Variants in KANK1 observed in about 807,000 individuals in gnomAD.
The protein encoded by KANK1 is KN motif and ankyrin repeat domains 1, also known as KN motif and ankyrin repeat domain-containing protein 1.
Under a neutral mutation model 106.2 loss-of-function variants are expected in KANK1, and 109 were observed. The ratio of observed to expected loss-of-function variants is 1.03; its 90% CI spans 0.88 to 1.20. KANK1 has a LOEUF of 1.20. Among genes scored for constraint, KANK1 ranks in the 50% most tolerant of loss-of-function variants. The pLI is 0.00. For missense variants in KANK1, 2,399 were observed against 1,710.7 expected, an observed-to-expected ratio of 1.40 and a Z score of -7.10; for synonymous variants, 873 against 652.2, an observed-to-expected ratio of 1.34 and a Z score of -5.16.
intron 1 of KANK1, among the ~76,000 whole-genome samples, chr9:565,950 T>G (rs2262924): frequency 0.89 from 135,998 of 152,202 alleles, 61,111 homozygotes; most frequent in African/African-American, 0.92. Context: ...TTGTACAGAT[T>G]GTTTCATCAC....
chr9:743,606 T>G (rs910504120), intron 10 of KANK1, among the ~76,000 whole-genome samples: 1 of 152,156 alleles, frequency 6.6e-6, no homozygotes, highest in African/African-American at 2.4e-5. Context: ...GGGTCACTCC[T>G]GTAATTCCAG....
intron 1 of KANK1, among the ~76,000 whole-genome samples, chr9:664,609 C>G (rs1381047285): frequency 6.6e-6 from 1 of 152,154 alleles, no homozygotes; most frequent in African/African-American, 2.4e-5. Context: ...CATATTTTGT[C>G]TATTATGGAT....
At chr9:742,581 G>A (rs1282352981) in intron 10 of KANK1, among the ~76,000 whole-genome samples, 176 bp downstream of exon 10, 1 of 152,196 alleles carries the variant, frequency 6.6e-6, no homozygotes. Context: ...CTGTGTGTGT[G>A]CAAACTAACA....
chr9:643,449 G>T (rs1225428142), intron 1 of KANK1, among the ~76,000 whole-genome samples: 1 of 149,630 alleles, frequency 6.7e-6, no homozygotes, highest in African/African-American at 2.5e-5. Context: ...CCAAAATTTT[G>T]GTCCAAGCTC....
At chr9:483,760 G>C (rs934908883) in intron 3 of KANK1, among the ~76,000 whole-genome samples, 4 of 152,136 alleles carry the variant, frequency 2.6e-5, no homozygotes, top group African/African-American at 9.7e-5. Flanking sequence ...TGACACCTCA[G>C]GGTAGAGGAG....
At chr9:483,619 T>C (rs2058244378) in intron 3 of KANK1, among the ~76,000 whole-genome samples, 1 of 152,108 alleles carries the variant, frequency 6.6e-6, no homozygotes, top group African/African-American at 2.4e-5. Context: ...AATGCAAAAA[T>C]GGTAAGGTTC....
chr9:678,408 A>C (rs150366906), intron 2 of KANK1, among the ~76,000 whole-genome samples: 2 of 152,146 alleles, frequency 1.3e-5, no homozygotes, highest in Non-Finnish European at 1.5e-5. Flanking sequence ...GTCACAGAGA[A>C]GTTCAGGGAC....
intron 3 of KANK1, among the ~76,000 whole-genome samples, chr9:718,394 C>T (rs1234748327): frequency 6.8e-6 from 1 of 147,136 alleles, no homozygotes; most frequent in African/African-American, 2.5e-5. Flanking sequence ...CTTGCTGTAG[C>T]CTGAACTTCC....
In KANK1 at chr9:646,583, T is replaced by C. The variant is rs114093665; in HGVS notation, c.-83-30307T>C. 1.2e-3 allele frequency among the ~76,000 whole-genome samples: 183 copies of C among 149,896 alleles called. 14 individuals are homozygous for C. Among genetic ancestry groups the C allele is most frequent in the African/African-American group, 4.4e-3 (172 of 39,316 alleles). On this transcript the variant is annotated intron_variant, in intron 1 of 11. Coordinates refer to ENST00000382297, the MANE Select transcript of KANK1 (RefSeq NM_015158.5). ...TGAACATGATTAATCATCTCTCAGTTAGGTTCATTATTTTCAATCATATTA... is the reference window on the plus strand; with the variant it reads ...TGAACATGATTAATCATCTCTCAGTCAGGTTCATTATTTTCAATCATATTA...
chr9:552,438 T>C (rs2061340715), intron 1 of KANK1, among the ~76,000 whole-genome samples: 1 of 152,194 alleles, frequency 6.6e-6, no homozygotes, highest in African/African-American at 2.4e-5. Context: ...CAATATTTGA[T>C]AATGGTGTTC....
chr9:525,036 G>C (rs1234799692), intron 1 of KANK1, among the ~76,000 whole-genome samples: 1 of 137,778 alleles, frequency 7.3e-6, no homozygotes, highest in East Asian at 2.1e-4. Flanking sequence ...ACCCAGGCTG[G>C]AGAGCACTGG....
chr9:684,383 A>G, intron 2 of KANK1: 1 of 985,368 alleles, frequency 1.0e-6, no homozygotes, highest in Non-Finnish European at 1.2e-6. Flanking sequence ...TACCAACTTT[A>G]TAGGTGCCAA....
intron 1 of KANK1, among the ~76,000 whole-genome samples, chr9:658,272 T>A (rs1485331731): frequency 6.6e-6 from 1 of 152,116 alleles, no homozygotes; most frequent in Non-Finnish European, 1.5e-5. Flanking sequence ...ATTTTACTCA[T>A]CCGCTTAAAC....
At chr9:707,367 A>C (rs1340747098) in intron 2 of KANK1, 1 of 411,660 alleles carries the variant, frequency 2.4e-6, no homozygotes, top group South Asian at 9.8e-5. Context: ...CCGCAGGCCT[A>C]CGGGAGTCCA....
chr9:547,774 A>G (rs931637069), intron 1 of KANK1, among the ~76,000 whole-genome samples: 2 of 152,218 alleles, frequency 1.3e-5, no homozygotes, highest in African/African-American at 2.4e-5. Context: ...CTGGCACTCC[A>G]CAAAATAGTA....
chr9:663,948 C>G (rs1016727436), intron 1 of KANK1, among the ~76,000 whole-genome samples: 10 of 152,158 alleles, frequency 6.6e-5, no homozygotes, highest in African/African-American at 2.4e-4. Context: ...CATGGGAACT[C>G]TTCAAATAAG....
chr9:629,972 G>A (rs181467499), intron 1 of KANK1, among the ~76,000 whole-genome samples: 1 of 152,230 alleles, frequency 6.6e-6, no homozygotes, highest in Non-Finnish European at 1.5e-5. Flanking sequence ...TGAAGGCCAG[G>A]CGCACTGGCT....
chr9:730,876 C>T, intron 4 of KANK1: 1 of 258,364 alleles, frequency 3.9e-6, no homozygotes, highest in Non-Finnish European at 7.4e-6. Context: ...CACGACATCA[C>T]TTTATAAGCA....
intron 1 of KANK1, among the ~76,000 whole-genome samples, chr9:625,002 T>C (rs1008032117): frequency 2.0e-5 from 3 of 149,418 alleles, no homozygotes; most frequent in Non-Finnish European, 3.0e-5. Flanking sequence ...TTCTAAATTA[T>C]GAAATGGCAG....
Sources: allele counts gnomAD v4.1 joint callset (sites outside exome capture counted in the v4.1 genomes callset), GRCh38; gene constraint gnomAD v4.1.1; transcripts MANE v1.5; gene names NCBI Gene and HGNC (gene_info 2026-07-23, HGNC 2026-07-21).